Variants in CCDC178 observed in about 807,000 individuals in gnomAD.
CCDC178 encodes coiled-coil domain-containing protein 178.
Under a neutral mutation model 117.4 loss-of-function variants are expected in CCDC178, and 126 were observed. The ratio of observed to expected loss-of-function variants is 1.07; its 90% CI spans 0.93 to 1.24. The LOEUF (loss-of-function observed/expected upper bound fraction) is 1.24, where lower values mean the gene tolerates loss of function less well. Among genes scored for constraint, CCDC178 ranks in the 50% most tolerant of loss-of-function variants. The pLI is 0.00. For missense variants in CCDC178, 1,030 were observed against 986.9 expected (o/e 1.04, Z -0.59); for synonymous variants, 283 against 313.4 (o/e 0.90, Z 1.02).
At chr18:33,104,637 C>A (rs561111195) in intron 20 of CCDC178, among the ~76,000 whole-genome samples, 1 of 151,688 alleles carries the variant, frequency 6.6e-6, no homozygotes. Flanking sequence ...AACTAAAAAT[C>A]TCTGGGGAAA....
At chr18:32,987,095 C>G (rs903580788) in intron 21 of CCDC178, among the ~76,000 whole-genome samples, 7 of 150,900 alleles carry the variant, frequency 4.6e-5, no homozygotes, top group African/African-American at 1.7e-4. Flanking sequence ...AAAAAGGAAG[C>G]AGTAGAAAAA....
intron 11 of CCDC178, among the ~76,000 whole-genome samples, chr18:33,297,902 C>T (rs980413753): frequency 1.1e-4 from 17 of 151,966 alleles, no homozygotes; most frequent in Admixed American, 1.3e-4. Flanking sequence ...ATTCGCCAGA[C>T]GTGGTGGCGG....
rs141502931 is a variant in CCDC178 at position 33,284,934 on chromosome 18, GACAC to G, written c.1176+8221_1176+8224del. 1.7e-4 allele frequency among the ~76,000 whole-genome samples: 25 copies of G among 149,134 alleles called. No homozygotes were observed. In the Admixed American group the frequency reaches 1.7e-3, roughly 10 times the overall value. On this transcript the variant is annotated intron_variant, in intron 12 of 22. Transcript: ENST00000383096. Reference sequence around the variant, plus strand: ...GAAAGAATGCACACACACACACACAGACACACACACACACACATTAAACATGAAA... The same window carrying G: ...GAAAGAATGCACACACACACACACAGACACACACACACATTAAACATGAAA...
rs144164704 is a variant in CCDC178, at chr18:33,264,806, T to C, written c.1409+2110A>G. Among the ~76,000 whole-genome samples the C allele has an allele frequency of 2.2e-3, 338 of 152,238 alleles. 2 individuals carry two copies. The highest frequency in any genetic ancestry group is 7.5e-3 in the African/African-American group (312 of 41,568). ...CCTCCTGTGGAAGCTACAAGAGCCA[T>C]TGAGTGATCTCACTAATGTACTTTT... On this transcript the variant is annotated intron_variant, in intron 14 of 22. Transcript: ENST00000383096.
At chr18:33,072,420 A>G (rs2145000977) in intron 21 of CCDC178, among the ~76,000 whole-genome samples, 1 of 152,290 alleles carries the variant, frequency 6.6e-6, no homozygotes, top group African/African-American at 2.4e-5. Flanking sequence ...AATATATAAT[A>G]TGCAATAGCC....
chr18:33,409,040 T>C (rs919014155), intron 3 of CCDC178, among the ~76,000 whole-genome samples: 1 of 152,190 alleles, frequency 6.6e-6, no homozygotes, highest in Non-Finnish European at 1.5e-5. Flanking sequence ...TGGTAATTTG[T>C]TTTATGATTT....
In CCDC178 at chr18:32,974,686, A is replaced by C. The variant is rs1288941833; in HGVS notation, c.2389-5T>G. On this transcript the variant is annotated splice_polypyrimidine_tract_variant and splice_region_variant and intron_variant, in intron 21 of 22. Transcript: ENST00000383096. ...CCTTCTCTGCAGCTGACAGAGCTAAAGGGAAGAGGGAGGGGAGAAAACACA... is the reference window on the plus strand; with the variant it reads ...CCTTCTCTGCAGCTGACAGAGCTAACGGGAAGAGGGAGGGGAGAAAACACA... 3 of 1,611,870 alleles carry C rather than the reference A, an allele frequency of 1.9e-6. No homozygotes were observed. The highest frequency in any genetic ancestry group is 2.5e-6 in the Non-Finnish European group (3 of 1,179,624).
At chr18:32,974,496 C>A (rs2054991780) in intron 22 of CCDC178, 51 bp downstream of exon 22, 1 of 1,574,022 alleles carries the variant, frequency 6.4e-7, no homozygotes, top group African/African-American at 1.3e-5. Context: ...CCATCATTTG[C>A]TTTTCAATCT....
intron 22 of CCDC178, among the ~76,000 whole-genome samples, chr18:32,968,683 A>G (rs1005127758): frequency 2.0e-5 from 3 of 152,034 alleles, no homozygotes; most frequent in Non-Finnish European, 2.9e-5. Context: ...TACTTTTTCT[A>G]TTACCATATA....
At chr18:33,165,550 C>A (rs181642331) in intron 20 of CCDC178, among the ~76,000 whole-genome samples, 3 of 152,198 alleles carry the variant, frequency 2.0e-5, no homozygotes, top group Admixed American at 6.5e-5. Flanking sequence ...CTACAAAATT[C>A]TAATTTTCAT....
intron 21 of CCDC178, among the ~76,000 whole-genome samples, chr18:33,070,431 T>C (rs915522607): frequency 6.6e-6 from 1 of 152,018 alleles, no homozygotes; most frequent in African/African-American, 2.4e-5. Context: ...ATGACAAATA[T>C]TGCATGTTCT....
At chr18:33,274,503 A>G (rs1388088231) in intron 12 of CCDC178, among the ~76,000 whole-genome samples, 1 of 151,920 alleles carries the variant, frequency 6.6e-6, no homozygotes, top group Admixed American at 6.6e-5. Flanking sequence ...AAACAGCCAA[A>G]AATCCATCTA....
intron 20 of CCDC178, among the ~76,000 whole-genome samples, chr18:33,126,986 TAAAA>T (rs1225815316): frequency 1.2e-4 from 16 of 136,128 alleles, no homozygotes; most frequent in Admixed American, 5.1e-4. Context: ...TGCATTTGGT[TAAAA>T]AAAAAAAATA....
intron 20 of CCDC178, among the ~76,000 whole-genome samples, chr18:33,153,726 T>C (rs1271894903): frequency 1.3e-5 from 2 of 152,100 alleles, no homozygotes; most frequent in Non-Finnish European, 2.9e-5. Flanking sequence ...CATATATTTA[T>C]ACAGTAAATG....
intron 21 of CCDC178, among the ~76,000 whole-genome samples, chr18:32,978,203 A>ATTTTT (rs34863142): frequency 4.5e-3 from 409 of 89,972 alleles, no homozygotes; most frequent in Non-Finnish European, 5.2e-3. Flanking sequence ...CTCAAAAAAG[A>ATTTTT]TTTTTTTTTT....
chr18:33,134,449 CATA>C (rs1381647289), intron 20 of CCDC178, among the ~76,000 whole-genome samples: 4 of 152,000 alleles, frequency 2.6e-5, no homozygotes, highest in African/African-American at 9.6e-5. Flanking sequence ...TGAGAAATTT[CATA>C]ATAATGATCA....
intron 21 of CCDC178, among the ~76,000 whole-genome samples, chr18:33,015,389 C>A (rs1213652801): frequency 6.6e-6 from 1 of 151,858 alleles, no homozygotes; most frequent in Non-Finnish European, 1.5e-5. Context: ...CACGGTGAAA[C>A]CCCGTCTCTA....
chr18:32,967,672 G>T (rs2054843677), intron 22 of CCDC178, among the ~76,000 whole-genome samples: 1 of 150,974 alleles, frequency 6.6e-6, no homozygotes, highest in Non-Finnish European at 1.5e-5. Flanking sequence ...TATACATTTT[G>T]TTGCTCTTCC....
At chr18:33,182,649 T>C (rs2058744985) in intron 20 of CCDC178, among the ~76,000 whole-genome samples, 1 of 152,004 alleles carries the variant, frequency 6.6e-6, no homozygotes, top group South Asian at 2.1e-4. Context: ...GCATAGTCTC[T>C]CACTATATAT....
Sources: gnomAD v4.1 joint callset for allele counts (sites outside exome capture counted in the v4.1 genomes callset) on GRCh38, gnomAD v4.1.1 for gene constraint, MANE v1.5 for transcripts, NCBI Gene and HGNC (gene_info 2026-07-23, HGNC 2026-07-21) for gene names.